ARPP21: variants seen among roughly 807,000 people sequenced by gnomAD.
ARPP21 encodes cAMP-regulated phosphoprotein 21.
A neutral mutation model predicts 113.2 loss-of-function variants in ARPP21; 69 were observed. That is an observed-to-expected ratio of 0.61 (90% confidence interval 0.50 to 0.74). ARPP21 has a LOEUF of 0.74. Among genes scored for constraint, ARPP21 ranks in the 30% least tolerant of loss-of-function variants. ARPP21 has a pLI of 0.00. For missense variants in ARPP21, 1,070 were observed against 1,037.4 expected (o/e 1.03, Z -0.43); for synonymous variants, 368 against 375.5 (o/e 0.98, Z 0.23).
intron 19 of ARPP21, among the ~76,000 whole-genome samples, chr3:35,783,995 A>G (rs2096580055): frequency 1.3e-5 from 2 of 152,078 alleles, no homozygotes; most frequent in Admixed American, 1.3e-4. Flanking sequence ...TTTCCACTGC[A>G]TGCTTCTCAT....
chr3:35,752,318 C>T (rs564304973), intron 19 of ARPP21, among the ~76,000 whole-genome samples: 7 of 152,032 alleles, frequency 4.6e-5, no homozygotes, highest in South Asian at 2.1e-4. Context: ...CTGTATTCTA[C>T]ATCTGAGGAA....
chr3:35,789,110 T>C (rs1239318752), intron 19 of ARPP21, among the ~76,000 whole-genome samples: 1 of 152,234 alleles, frequency 6.6e-6, no homozygotes, highest in Non-Finnish European at 1.5e-5. Context: ...CAAGATGCAT[T>C]ATATCTTGCT....
At chr3:35,728,006 G>A (rs915194597) in intron 14 of ARPP21, among the ~76,000 whole-genome samples, 3 of 151,842 alleles carry the variant, frequency 2.0e-5, no homozygotes, top group East Asian at 3.9e-4. Flanking sequence ...TAAACATCAC[G>A]ATTATTTTAC....
chr3:35,678,159 A>G (rs2077989366), intron 1 of ARPP21, among the ~76,000 whole-genome samples: 1 of 151,952 alleles, frequency 6.6e-6, no homozygotes, highest in Non-Finnish European at 1.5e-5. Context: ...TATATCTTGC[A>G]TCCTCCTACT....
intron 3 of ARPP21, 94 bp from the exon 4 acceptor site, chr3:35,682,754 C>G (rs1055375476): frequency 2.6e-6 from 3 of 1,165,314 alleles, no homozygotes; most frequent in Non-Finnish European, 3.6e-6. Context: ...TGACATTTTT[C>G]TCTCTTTCTT....
At chr3:35,707,604 A>G (rs1641751072) in intron 10 of ARPP21, 1 of 451,582 alleles carries the variant, frequency 2.2e-6, no homozygotes, top group South Asian at 1.6e-5. Context: ...AATTGAGTTC[A>G]TGTTTTAGTC....
At chr3:35,684,742 A>G (rs887026584) in intron 5 of ARPP21, 90 of 985,164 alleles carry the variant, frequency 9.1e-5, no homozygotes, top group Middle Eastern at 1.0e-3. Flanking sequence ...GAGCATTGAG[A>G]GCACTTTCTT....
chr3:35,682,655 G>C (rs2079269969), intron 3 of ARPP21, among the ~76,000 whole-genome samples, 193 bp from the exon 4 acceptor site: 1 of 151,674 alleles, frequency 6.6e-6, no homozygotes, highest in Admixed American at 6.6e-5. Context: ...TTAGTCAAAA[G>C]TTTTTTAAAG....
intron 14 of ARPP21, among the ~76,000 whole-genome samples, chr3:35,722,981 G>T (rs907806022): frequency 1.3e-5 from 2 of 152,132 alleles, no homozygotes; most frequent in Admixed American, 1.3e-4. Context: ...CTTTGTTTTG[G>T]TTCTGCCTTA....
At chr3:35,693,325 A>G (rs2082815940) in intron 9 of ARPP21, among the ~76,000 whole-genome samples, 1 of 151,660 alleles carries the variant, frequency 6.6e-6, no homozygotes, top group East Asian at 1.9e-4. Context: ...ATAATGTTCA[A>G]TTCATAGCTG....
chr3:35,644,676 T>C (rs1374785591), intron 1 of ARPP21, among the ~76,000 whole-genome samples: 1 of 151,926 alleles, frequency 6.6e-6, no homozygotes, highest in Non-Finnish European at 1.5e-5. Flanking sequence ...GGAGGGGATA[T>C]TGCAAAAACA....
At chr3:35,749,282 A>G (rs753085730) in intron 19 of ARPP21, among the ~76,000 whole-genome samples, 49 of 152,182 alleles carry the variant, frequency 3.2e-4, no homozygotes, top group Non-Finnish European at 5.9e-5. Flanking sequence ...AGACATTTAC[A>G]TTCAAATCAC....
intron 18 of ARPP21, among the ~76,000 whole-genome samples, chr3:35,742,961 A>T (rs148153998): frequency 1.3e-5 from 2 of 152,354 alleles, no homozygotes; most frequent in East Asian, 3.9e-4. Flanking sequence ...ATCAGGAAAC[A>T]TTTGATTTGG....
rs973907240 is a variant in ARPP21, at chr3:35,672,896, A to G, written c.-212-6891A>G. On this transcript the variant is annotated intron_variant, in intron 1 of 20. Coordinates refer to ENST00000684406, the MANE Select transcript of ARPP21 (RefSeq NM_001385562.1). ...TGTATTTGATGTGAGGATAAGATGTAATAATCTGTGTAGAAAATTCAGTCA... is the reference window on the plus strand; with the variant it reads ...TGTATTTGATGTGAGGATAAGATGTGATAATCTGTGTAGAAAATTCAGTCA... 3.9e-5 allele frequency among the ~76,000 whole-genome samples: 6 copies of G among 152,204 alleles called. No individual in the cohort carries two copies. The East Asian group carries it at 9.7e-4, about 25-fold the overall frequency.
At chr3:35,759,674 C>CTG (rs1346888304) in intron 19 of ARPP21, among the ~76,000 whole-genome samples, 103 of 130,706 alleles carry the variant, frequency 7.9e-4, no homozygotes, top group African/African-American at 2.7e-3. Flanking sequence ...CATTTTCTCT[C>CTG]TCTGTGTGTG....
intron 1 of ARPP21, among the ~76,000 whole-genome samples, chr3:35,666,429 T>C (rs2074380920): frequency 6.6e-6 from 1 of 152,214 alleles, no homozygotes; most frequent in East Asian, 1.9e-4. Flanking sequence ...GATTTTGACA[T>C]TTATTCCAAG....
intron 11 of ARPP21, among the ~76,000 whole-genome samples, chr3:35,712,181 T>C (rs1170526563): frequency 1.3e-5 from 2 of 152,198 alleles, no homozygotes; most frequent in African/African-American, 2.4e-5. Context: ...AATTACAGTA[T>C]ATTAAATCAA....
At chr3:35,744,254 A>G (rs997657946) in intron 19 of ARPP21, among the ~76,000 whole-genome samples, 2 of 152,214 alleles carry the variant, frequency 1.3e-5, no homozygotes, top group Non-Finnish European at 2.9e-5. Flanking sequence ...GTACCTTTCT[A>G]GTTCATACCT....
chr3:35,738,159 G>A, intron 16 of ARPP21, 55 bp from the exon 17 acceptor site: 1 of 1,156,978 alleles, frequency 8.6e-7, no homozygotes, highest in Non-Finnish European at 1.2e-6. Flanking sequence ...TGCATCTTGT[G>A]AGATTTCAAC....
Sources: gnomAD v4.1 joint callset for allele counts (sites outside exome capture counted in the v4.1 genomes callset) on GRCh38, gnomAD v4.1.1 for gene constraint, MANE v1.5 for transcripts, NCBI Gene and HGNC (gene_info 2026-07-23, HGNC 2026-07-21) for gene names.